ZNF704: variants seen among roughly 807,000 people sequenced by gnomAD.
ZNF704 encodes zinc finger protein 704, also known as glucocorticoid induced gene 1.
In ZNF704, 10 loss-of-function variants were observed where a neutral mutation model predicts 44.7. That is an observed-to-expected ratio of 0.22 (90% confidence interval 0.14 to 0.38). ZNF704 has a LOEUF of 0.38. ZNF704 is among the 10% of genes least tolerant of loss of function. The pLI is 1.00. For synonymous variants in ZNF704, 211 were observed against 207.6 expected (o/e 1.02, Z -0.14); for missense variants, 390 against 545.5 (o/e 0.71, Z 2.84).
At chr8:80,683,910 T>C (rs924861055) in intron 4 of ZNF704, among the ~76,000 whole-genome samples, 5 of 151,826 alleles carry the variant, frequency 3.3e-5, no homozygotes, top group Admixed American at 6.6e-5. Context: ...GGAGAAGAGA[T>C]AAGGAAGCTT....
intron 2 of ZNF704, among the ~76,000 whole-genome samples, chr8:80,739,938 G>C (rs1329084513): frequency 6.6e-6 from 1 of 152,182 alleles, no homozygotes; most frequent in Admixed American, 6.5e-5. Flanking sequence ...GCAGGACTGA[G>C]GGTGCCCGGG....
chr8:80,863,656 T>C (rs572735692), intron 1 of ZNF704, among the ~76,000 whole-genome samples: 1 of 152,338 alleles, frequency 6.6e-6, no homozygotes, highest in African/African-American at 2.4e-5. Flanking sequence ...CTTCTATTAG[T>C]TACAATGCAC....
chr8:80,808,184 A>G (rs1808022267), intron 2 of ZNF704, among the ~76,000 whole-genome samples: 1 of 152,192 alleles, frequency 6.6e-6, no homozygotes. Flanking sequence ...TTACTAAACT[A>G]TTTTACCTCC....
chr8:80,721,286 A>C (rs971111923), intron 2 of ZNF704, among the ~76,000 whole-genome samples: 1 of 152,134 alleles, frequency 6.6e-6, no homozygotes, highest in Non-Finnish European at 1.5e-5. Flanking sequence ...AATAGAGGAG[A>C]GAGCTTGAGA....
intron 2 of ZNF704, among the ~76,000 whole-genome samples, chr8:80,712,752 G>A (rs148048406): frequency 6.0e-4 from 91 of 152,104 alleles, no homozygotes; most frequent in Admixed American, 1.3e-3. Context: ...AGCCGAGATC[G>A]TGCCATTGCA....
chr8:80,816,486 T>C (rs899178831), intron 2 of ZNF704, among the ~76,000 whole-genome samples: 3 of 152,198 alleles, frequency 2.0e-5, no homozygotes, highest in Non-Finnish European at 1.5e-5. Context: ...GATGAACCTT[T>C]CAAACATGCT....
intron 1 of ZNF704, among the ~76,000 whole-genome samples, chr8:80,831,815 T>C (rs1226388179): frequency 1.3e-5 from 2 of 152,164 alleles, no homozygotes; most frequent in Non-Finnish European, 2.9e-5. Flanking sequence ...CAGCTTCCTG[T>C]AGGAGAGAGA....
chr8:80,676,344 T>C (rs367975664), intron 4 of ZNF704, among the ~76,000 whole-genome samples: 42 of 152,284 alleles, frequency 2.8e-4, no homozygotes, highest in African/African-American at 9.1e-4. Context: ...GGGAAACTGA[T>C]GGTGCAGTAG....
chr8:80,792,473 T>TC (rs1807725994), intron 2 of ZNF704, among the ~76,000 whole-genome samples: 1 of 152,082 alleles, frequency 6.6e-6, no homozygotes, highest in East Asian at 1.9e-4. Context: ...CATGATATAA[T>TC]CCCTTCCCCT....
In ZNF704 at chr8:80,771,600, A is replaced by C. The variant is rs183442190; in HGVS notation, c.221+49774T>G. On this transcript the variant is annotated intron_variant, in intron 2 of 8. Coordinates refer to ENST00000327835, the MANE Select transcript of ZNF704 (RefSeq NM_001033723.3). ...ATTAGTTCTAGGAGTCTTTTTAAAA[A>C]TAAATTCCTTGGAATATTCTACTTA... Among the ~76,000 whole-genome samples, 293 of 152,306 alleles carry C rather than the reference A, an allele frequency of 1.9e-3. 1 individual carries two copies. The highest frequency in any genetic ancestry group is 6.8e-3 in the African/African-American group (283 of 41,580).
At chr8:80,670,405 A>G (rs2131615376) in intron 5 of ZNF704, 98 bp downstream of exon 5, 3 of 863,104 alleles carry the variant, frequency 3.5e-6, no homozygotes, top group Non-Finnish European at 5.7e-6. Flanking sequence ...CCCAGTGTCC[A>G]GAACCTTTAA....
At chr8:80,809,282 T>C (rs1445581239) in intron 2 of ZNF704, among the ~76,000 whole-genome samples, 1 of 152,062 alleles carries the variant, frequency 6.6e-6, no homozygotes, top group Non-Finnish European at 1.5e-5. Context: ...CAAAAGTGAG[T>C]GAGACTTCAT....
intron 2 of ZNF704, among the ~76,000 whole-genome samples, chr8:80,740,353 C>T (rs771654147): frequency 2.0e-5 from 3 of 152,068 alleles, no homozygotes; most frequent in South Asian, 2.1e-4. Flanking sequence ...ACAATATGGA[C>T]GAACAAAGAA....
chr8:80,786,708 CTCAG>C (rs1183741038), intron 2 of ZNF704, among the ~76,000 whole-genome samples: 3 of 152,142 alleles, frequency 2.0e-5, no homozygotes, highest in Non-Finnish European at 4.4e-5. Flanking sequence ...AATAGGTGTG[CTCAG>C]TCAGACAATC....
chr8:80,794,617 A>G (rs182017857), intron 2 of ZNF704, among the ~76,000 whole-genome samples: 3 of 152,366 alleles, frequency 2.0e-5, no homozygotes, highest in South Asian at 4.1e-4. Flanking sequence ...GCTATGCAAC[A>G]TAACTAAAGC....
rs113816466 is a variant in ZNF704 at position 80,706,004 on chromosome 8, C to T, written c.222-12897G>A. On this transcript the variant is annotated intron_variant, in intron 2 of 8. Transcript: ENST00000327835. Reference sequence around the variant, plus strand: ...GCAGAGCCTGTCGTATGTGCAGGGGCGGCATGGCCCAGGCTAATGGGGTTG... The same window carrying T: ...GCAGAGCCTGTCGTATGTGCAGGGGTGGCATGGCCCAGGCTAATGGGGTTG... Among the ~76,000 whole-genome samples the T allele has an allele frequency of 2.6e-3, 397 of 152,200 alleles. 1 individual carries two copies. Among genetic ancestry groups the T allele is most frequent in the African/African-American group, 9.1e-3 (376 of 41,528 alleles).
At chr8:80,680,779 G>A (rs1442730314) in intron 4 of ZNF704, among the ~76,000 whole-genome samples, 1 of 152,194 alleles carries the variant, frequency 6.6e-6, no homozygotes, top group African/African-American at 2.4e-5. Context: ...TTTGTAAGAT[G>A]AGGGGACTGA....
intron 2 of ZNF704, among the ~76,000 whole-genome samples, chr8:80,740,000 C>A (rs180792768): frequency 1.3e-5 from 2 of 152,210 alleles, no homozygotes; most frequent in East Asian, 3.9e-4. Flanking sequence ...TATGCTTGAC[C>A]ATTGAGGGTC....
At chr8:80,692,443 T>C (rs115673967) in intron 3 of ZNF704, among the ~76,000 whole-genome samples, 8 of 152,336 alleles carry the variant, frequency 5.3e-5, no homozygotes, top group African/African-American at 1.7e-4. Flanking sequence ...ATGGCTATGA[T>C]TGATGGTCTT....
Sources: allele counts gnomAD v4.1 joint callset (sites outside exome capture counted in the v4.1 genomes callset), GRCh38; gene constraint gnomAD v4.1.1; transcripts MANE v1.5; gene names NCBI Gene and HGNC (gene_info 2026-07-23, HGNC 2026-07-21).